PCDHGB7: variants seen among roughly 807,000 people sequenced by gnomAD.
PCDHGB7 encodes the protein protocadherin gamma-B7.
Under a neutral mutation model 61.4 loss-of-function variants are expected in PCDHGB7, and 37 were observed. The ratio of observed to expected loss-of-function variants is 0.60; its 90% CI spans 0.46 to 0.79. PCDHGB7 has a LOEUF of 0.79. Among genes scored for constraint, PCDHGB7 ranks in the 30% least tolerant of loss-of-function variants. PCDHGB7 has a pLI of 0.00. For synonymous variants in PCDHGB7, 464 were observed against 503.5 expected, an observed-to-expected ratio of 0.92 and a Z score of 1.05; for missense variants, 1,166 against 1,202.5, an observed-to-expected ratio of 0.97 and a Z score of 0.45.
At chr5:141,427,733 C>T (rs2097062553) in intron 1 of PCDHGB7, 2 of 1,200,562 alleles carry the variant, frequency 1.7e-6, no homozygotes, top group East Asian at 4.7e-5. Context: ...GGCTGAATGG[C>T]CAAGTCTCCT....
chr5:141,505,618 A>G, intron 3 of PCDHGB7, 137 bp downstream of exon 3: 6 of 1,496,136 alleles, frequency 4.0e-6, no homozygotes, highest in Non-Finnish European at 5.4e-6. Flanking sequence ...GAAAGGACCC[A>G]CAATTCCAAA....
chr5:141,449,283 A>C (rs937339676), intron 1 of PCDHGB7, among the ~76,000 whole-genome samples: 1 of 152,102 alleles, frequency 6.6e-6, no homozygotes, highest in African/African-American at 2.4e-5. Flanking sequence ...CTTCACCCGG[A>C]TGCACCGGGT....
intron 2 of PCDHGB7, among the ~76,000 whole-genome samples, chr5:141,497,264 A>G (rs2154592078): frequency 6.6e-6 from 1 of 152,258 alleles, no homozygotes; most frequent in East Asian, 1.9e-4. Flanking sequence ...GAGAAGTTCT[A>G]GGCCATTTAT....
intron 2 of PCDHGB7, among the ~76,000 whole-genome samples, chr5:141,495,994 T>C (rs2099765151): frequency 6.6e-6 from 1 of 152,146 alleles, no homozygotes; most frequent in Non-Finnish European, 1.5e-5. Flanking sequence ...ATCTCTCTTT[T>C]TCTTTTATCT....
At chr5:141,434,691 A>G (rs1263712056) in intron 1 of PCDHGB7, among the ~76,000 whole-genome samples, 2 of 152,150 alleles carry the variant, frequency 1.3e-5, no homozygotes. Flanking sequence ...GCTTGCTGTT[A>G]ATAAATATGT....
chr5:141,421,219 G>C (rs894586889), intron 1 of PCDHGB7: 1 of 1,573,208 alleles, frequency 6.4e-7, no homozygotes. Context: ...TATCGGCTTA[G>C]AGCCTGCCAT....
intron 1 of PCDHGB7, chr5:141,478,619 A>G: frequency 6.4e-7 from 1 of 1,555,598 alleles, no homozygotes; most frequent in Non-Finnish European, 8.7e-7. Context: ...GAAGGAATGG[A>G]GCTGTTTTTT....
At chr5:141,459,490 T>C (rs2098968649) in intron 1 of PCDHGB7, among the ~76,000 whole-genome samples, 1 of 152,236 alleles carries the variant, frequency 6.6e-6, no homozygotes, top group Non-Finnish European at 1.5e-5. Context: ...TATTCTGAAT[T>C]AAAGTGATGT....
rs766092387 is a variant in PCDHGB7 at position 141,491,171 on chromosome 5, T to C, written c.2416-3636T>C. 7.4e-6 allele frequency: 12 copies of C among 1,613,968 alleles called. No individual in the cohort carries two copies. The highest frequency in any genetic ancestry group is 1.3e-5 in the African/African-American group (1 of 74,904). On this transcript the variant is annotated intron_variant, in intron 1 of 3. Coordinates refer to ENST00000398594, the MANE Select transcript of PCDHGB7 (RefSeq NM_018927.4). The surrounding 1 kb of genome is among the most constrained non-coding windows in gnomAD (Gnocchi z 6.9). The stretch of plus-strand genomic sequence containing the variant: ...GAGGATGACTCTGACACCCAGCAGG[T>C]GGTGGTCCTGGTGAGGGACAATGGT...
chr5:141,486,637 G>T lies in PCDHGB7; in HGVS notation c.2416-8170G>T. On this transcript the variant is annotated intron_variant, in intron 1 of 3. Coordinates refer to ENST00000398594, the MANE Select transcript of PCDHGB7 (RefSeq NM_018927.4). This position sits in a 1 kb window ranked among gnomAD's most constrained non-coding sequence, Gnocchi z 5.0. ...CTGACCCAGACTCTGGCTTGAATGCGCTTATCTCCTACTCACTCCTGGAGC... is the reference window on the plus strand; with the variant it reads ...CTGACCCAGACTCTGGCTTGAATGCTCTTATCTCCTACTCACTCCTGGAGC... 6.2e-7 allele frequency: 1 copy of T among 1,613,638 alleles called. No homozygotes were observed. The highest frequency in any genetic ancestry group is 8.5e-7 in the Non-Finnish European group (1 of 1,180,034).
At position 141,476,304 on chromosome 5, in the gene PCDHGB7, C is replaced by T. The variant is rs769790423; in HGVS notation, c.2416-18503C>T. On this transcript the variant is annotated intron_variant, in intron 1 of 3. Coordinates refer to ENST00000398594, the MANE Select transcript of PCDHGB7 (RefSeq NM_018927.4). The surrounding 1 kb of genome is among the most constrained non-coding windows in gnomAD (Gnocchi z 7.6). Reference sequence around the variant, plus strand: ...GGTTTGGATCTCGGTAGCCTCTCAGCCCGCAGGTTCCGGGTGGTGTCTGGA... The same window carrying T: ...GGTTTGGATCTCGGTAGCCTCTCAGTCCGCAGGTTCCGGGTGGTGTCTGGA... The T allele has an allele frequency of 6.2e-7, 1 of 1,613,746 alleles. No individual in the cohort carries two copies. Among genetic ancestry groups the T allele is most frequent in the Admixed American group, 1.7e-5 (1 of 59,988 alleles).
chr5:141,427,105 A>C (rs1413188668), intron 1 of PCDHGB7: 1 of 457,776 alleles, frequency 2.2e-6, no homozygotes, highest in Non-Finnish European at 4.4e-6. Flanking sequence ...GTCAATGCGG[A>C]GATCACCTAC....
intron 1 of PCDHGB7, among the ~76,000 whole-genome samples, chr5:141,462,688 A>G (rs919098530): frequency 3.9e-5 from 6 of 152,126 alleles, no homozygotes; most frequent in African/African-American, 1.4e-4. Flanking sequence ...TTTTGAGCAC[A>G]TTTATAATGG....
chr5:141,496,440 A>G (rs2099768848), intron 2 of PCDHGB7, among the ~76,000 whole-genome samples: 1 of 152,158 alleles, frequency 6.6e-6, no homozygotes, highest in South Asian at 2.1e-4. Flanking sequence ...AAGTTGCTAC[A>G]GATGCTGAGC....
intron 2 of PCDHGB7, among the ~76,000 whole-genome samples, chr5:141,496,538 T>G (rs568286018): frequency 1.5e-4 from 23 of 152,266 alleles, no homozygotes; most frequent in African/African-American, 5.5e-4. Flanking sequence ...TGGCAGAGAT[T>G]CCAGCTTCTG....
intron 1 of PCDHGB7, among the ~76,000 whole-genome samples, chr5:141,445,356 A>C (rs1333905692): frequency 6.6e-6 from 1 of 152,202 alleles, no homozygotes; most frequent in Non-Finnish European, 1.5e-5. Flanking sequence ...TGTCTGCCCA[A>C]GTCTGGTCCT....
At position 141,486,994 on chromosome 5, in the gene PCDHGB7, C is replaced by G. The variant is rs779792543; in HGVS notation, c.2416-7813C>G. ...ATTCAGGTTACAATGCTTGGGTTTC[C>G]TATCAGCTCCTGGAGGCCCCAGATC... On this transcript the variant is annotated intron_variant, in intron 1 of 3. Coordinates refer to ENST00000398594, the MANE Select transcript of PCDHGB7 (RefSeq NM_018927.4). The surrounding 1 kb of genome is among the most constrained non-coding windows in gnomAD (Gnocchi z 5.0). 3 of 1,614,214 alleles carry G rather than the reference C, an allele frequency of 1.9e-6. No individual in the cohort carries two copies. Among genetic ancestry groups the G allele is most frequent in the Admixed American group, 1.7e-5 (1 of 60,030 alleles).
chr5:141,497,626 G>T (rs1373764805), intron 2 of PCDHGB7, among the ~76,000 whole-genome samples: 3 of 149,502 alleles, frequency 2.0e-5, no homozygotes, highest in Non-Finnish European at 4.4e-5. Flanking sequence ...TGCAACCTCT[G>T]CCTGCCAGGT....
Position 141,491,414 on chromosome 5 carries a change from G to A in PCDHGB7, c.2416-3393G>A. On this transcript the variant is annotated intron_variant, in intron 1 of 3. Coordinates refer to ENST00000398594, the MANE Select transcript of PCDHGB7 (RefSeq NM_018927.4). The surrounding 1 kb of genome is among the most constrained non-coding windows in gnomAD (Gnocchi z 6.9). ...CTTCAGGGAAACGCAGACGGGGACGGGGGTGGAGGGCAGTGCTGCAGGCGC... is the reference window on the plus strand; with the variant it reads ...CTTCAGGGAAACGCAGACGGGGACGAGGGTGGAGGGCAGTGCTGCAGGCGC... 2 of 1,614,126 alleles carry A rather than the reference G, an allele frequency of 1.2e-6. No individual in the cohort carries two copies. Among genetic ancestry groups the A allele is most frequent in the Non-Finnish European group, 1.7e-6 (2 of 1,180,022 alleles).
Sources: allele counts gnomAD v4.1 joint callset (sites outside exome capture counted in the v4.1 genomes callset), GRCh38; gene constraint gnomAD v4.1.1; non-coding constraint Gnocchi (gnomAD v3.1); transcripts MANE v1.5; gene names NCBI Gene and HGNC (gene_info 2026-07-23, HGNC 2026-07-21).